The following PSAT1 variants were observed in gnomAD, a reference collection of about 807,000 sequenced individuals.
PSAT1 encodes the protein phosphoserine aminotransferase 1, also known as phosphoserine aminotransferase.
Under a neutral mutation model 40.3 loss-of-function variants are expected in PSAT1, and 41 were observed. The observed-to-expected ratio is 1.02, with a 90% CI of 0.79 to 1.32. PSAT1 has a LOEUF of 1.32. Among genes scored for constraint, PSAT1 ranks in the 40% most tolerant of loss-of-function variants. The pLI is 0.00. For synonymous variants in PSAT1, 147 were observed against 170.5 expected, an observed-to-expected ratio of 0.86 and a Z score of 1.07; for missense variants, 406 against 455.8, an observed-to-expected ratio of 0.89 and a Z score of 0.99.
chr9:78,310,887 C>T (rs192046139), intron 6 of PSAT1, among the ~76,000 whole-genome samples: 17 of 152,170 alleles, frequency 1.1e-4, no homozygotes, highest in South Asian at 4.2e-4. Flanking sequence ...GGATTACAGG[C>T]GTGAGCCACC....
In PSAT1 at chr9:78,328,046, T is replaced by C. The variant is rs974840135; in HGVS notation, c.870-5T>C. 4.3e-6 allele frequency: 7 copies of C among 1,609,766 alleles called. No homozygotes were observed. The African/African-American group carries it at 8.0e-5, about 18-fold the overall frequency. ...AGTAGCTGGAATAATAAACATGTTT[T>C]TCAGTTGTCCAGTGGAGCCCCAAAA... is the stretch of plus-strand genomic sequence containing the variant. On this transcript the variant is annotated splice_region_variant and splice_polypyrimidine_tract_variant and intron_variant, in intron 7 of 8. Transcript: ENST00000376588.
At chr9:78,328,356 C>A (rs72745660) in intron 8 of PSAT1, among the ~76,000 whole-genome samples, 168 bp downstream of exon 8, 4,131 of 152,248 alleles carry the variant, frequency 0.027, 101 homozygotes, top group South Asian at 0.043. Context: ...GTTTATGGAA[C>A]CCTTTGCATA....
chr9:78,311,033 T>G (rs1828259990), intron 6 of PSAT1, among the ~76,000 whole-genome samples: 1 of 152,228 alleles, frequency 6.6e-6, no homozygotes, highest in African/African-American at 2.4e-5. Flanking sequence ...TGCACTCTCC[T>G]GGTCACCTCT....
intron 7 of PSAT1, among the ~76,000 whole-genome samples, chr9:78,327,230 G>A (rs959571985): frequency 2.6e-5 from 4 of 151,596 alleles, no homozygotes; most frequent in African/African-American, 9.7e-5. Flanking sequence ...CAAAGTGCTG[G>A]GATTATAGGT....
intron 5 of PSAT1, among the ~76,000 whole-genome samples, chr9:78,307,668 T>C (rs1828204690): frequency 6.6e-6 from 1 of 152,326 alleles, no homozygotes; most frequent in Non-Finnish European, 1.5e-5. Context: ...AGGCAGCTTG[T>C]CCCATCCCTT....
chr9:78,298,222 G>C (rs1828056205), intron 1 of PSAT1: 26 of 942,758 alleles, frequency 2.8e-5, no homozygotes, highest in Non-Finnish European at 3.1e-5. Context: ...CAAAGTCTCC[G>C]ATGTGCCTTG....
rs928681662 is a variant in PSAT1, at chr9:78,329,957, T to C, written c.*871T>C. 1.3e-5 allele frequency: 2 copies of C among 152,238 alleles called. No individual in the cohort carries two copies. Among genetic ancestry groups the C allele is most frequent in the African/African-American group, 4.8e-5 (2 of 41,468 alleles). 9.4% of individuals were successfully genotyped at this position (152,238 alleles called of 1,614,324 possible). A position where few individuals can be genotyped will look rare whatever the true frequency, so the allele number is the denominator to read the frequency against. ...ACATTTCTGTTAAATTACCCTATCC[T>C]TTGTTCTCTACTGTTTTCTTTGTAA... is the stretch of plus-strand genomic sequence containing the variant. On this transcript the variant is annotated 3_prime_UTR_variant, in exon 9 of 9. Transcript: ENST00000376588.
chr9:78,318,819 C>A (rs148600857), intron 7 of PSAT1, among the ~76,000 whole-genome samples: 1 of 152,268 alleles, frequency 6.6e-6, no homozygotes, highest in East Asian at 1.9e-4. Flanking sequence ...ATGCGCATAC[C>A]TTTTCAGGGT....
Position 78,304,912 on chromosome 9 carries a change from C to T in PSAT1, c.369C>T (p.Ile123=), listed in dbSNP as rs762328288. 9 of 1,612,698 alleles carry T rather than the reference C, an allele frequency of 5.6e-6. No individual in the cohort carries two copies. Among genetic ancestry groups the T allele is most frequent in the East Asian group, 2.2e-5 (1 of 44,888 alleles). The change falls in exon 4 of 9, where the codon ATC becomes ATT. Residue 123 remains isoleucine, a synonymous_variant. Transcript: ENST00000376588. The part of the protein sequence containing the change: ...EEAKKFGTIN[I]VHPKLGSYTK... The stretch of plus-strand genomic sequence containing the variant: ...CCAAGAAGTTTGGGACTATAAATAT[C>T]GTTCACCCTAAACTTGGGAGTTATA...
chr9:78,314,866 A>T (rs1287822646), intron 6 of PSAT1, among the ~76,000 whole-genome samples: 1 of 151,760 alleles, frequency 6.6e-6, no homozygotes, highest in African/African-American at 2.4e-5. Flanking sequence ...CAGCTTTGAA[A>T]CCCTGGGCTA....
At chr9:78,316,431 A>C (rs1255838987) in intron 6 of PSAT1, among the ~76,000 whole-genome samples, 1 of 152,086 alleles carries the variant, frequency 6.6e-6, no homozygotes, top group Non-Finnish European at 1.5e-5. Context: ...GTTTCCTAGA[A>C]ACATGATCCC....
intron 7 of PSAT1, among the ~76,000 whole-genome samples, chr9:78,323,433 A>C (rs1002186878): frequency 6.6e-6 from 1 of 152,060 alleles, no homozygotes; most frequent in Non-Finnish European, 1.5e-5. Context: ...ATAAAAAATT[A>C]GCCGGGTGTG....
intron 6 of PSAT1, among the ~76,000 whole-genome samples, chr9:78,317,344 CT>C (rs1433024076): frequency 2.0e-5 from 3 of 152,174 alleles, no homozygotes; most frequent in Non-Finnish European, 4.4e-5. Flanking sequence ...CCTCGAACCC[CT>C]GGGCTCAAGC....
chr9:78,308,967 T>C (rs113860850), intron 6 of PSAT1, among the ~76,000 whole-genome samples: 205 of 151,980 alleles, frequency 1.3e-3, no homozygotes, highest in African/African-American at 4.6e-3. Context: ...AATAAATAAA[T>C]AAATAAGCAA....
chr9:78,325,215 A>G (rs537325023), intron 7 of PSAT1, among the ~76,000 whole-genome samples: 1 of 152,186 alleles, frequency 6.6e-6, no homozygotes, highest in Admixed American at 6.5e-5. Context: ...GGTCATCAAG[A>G]CTACTGTGGC....
chr9:78,328,721 C>G (rs1828538065), intron 8 of PSAT1, among the ~76,000 whole-genome samples: 1 of 152,192 alleles, frequency 6.6e-6, no homozygotes, highest in South Asian at 2.1e-4. Context: ...TTCCCCACAT[C>G]TTGCTTGCTT....
At chr9:78,328,889 T>C (rs577239395) in intron 8 of PSAT1, 92 bp from the exon 9 acceptor site, 2 of 984,848 alleles carry the variant, frequency 2.0e-6, no homozygotes, top group Non-Finnish European at 3.3e-6. Context: ...TCTCAGGTGC[T>C]GCAACTCTCA....
intron 2 of PSAT1, among the ~76,000 whole-genome samples, chr9:78,301,715 T>G (rs981098005): frequency 6.6e-6 from 1 of 152,228 alleles, no homozygotes; most frequent in African/African-American, 2.4e-5. Flanking sequence ...ATAAATAACT[T>G]GCTCAGTGAA....
At chr9:78,324,650 G>A (rs913159906) in intron 7 of PSAT1, among the ~76,000 whole-genome samples, 3 of 152,100 alleles carry the variant, frequency 2.0e-5, no homozygotes, top group Non-Finnish European at 4.4e-5. Flanking sequence ...GCCAATATTG[G>A]GCTCTTGGAA....
Sources: gnomAD v4.1 joint callset for allele counts (sites outside exome capture counted in the v4.1 genomes callset) on GRCh38, gnomAD v4.1.1 for gene constraint, MANE v1.5 for transcripts, NCBI Gene and HGNC (gene_info 2026-07-23, HGNC 2026-07-21) for gene names.